Variants in ZBTB20 observed in about 807,000 individuals in gnomAD.
ZBTB20 encodes the protein zinc finger and BTB domain containing 20, also known as zinc finger and BTB domain-containing protein 20.
A neutral mutation model predicts 56.9 loss-of-function variants in ZBTB20; 9 were observed. That is an observed-to-expected ratio of 0.16 (90% CI 0.10 to 0.28). The LOEUF is 0.28. Ranked by LOEUF, ZBTB20 falls within the 10% of genes least tolerant of loss-of-function variation. The pLI is 1.00. For missense variants in ZBTB20, 655 were observed against 1,003.0 expected (o/e 0.65, Z 4.69); for synonymous variants, 417 against 420.7 (o/e 0.99, Z 0.11).
intron 5 of ZBTB20, among the ~76,000 whole-genome samples, chr3:114,723,195 T>C (rs1369761862): frequency 6.6e-6 from 1 of 152,092 alleles, no homozygotes; most frequent in African/African-American, 2.4e-5. Flanking sequence ...TAGATTCAAA[T>C]ATGCTGCCAT....
At chr3:114,348,034 C>T (rs1244112006) in intron 11 of ZBTB20, among the ~76,000 whole-genome samples, 1 of 152,174 alleles carries the variant, frequency 6.6e-6, no homozygotes, top group Non-Finnish European at 1.5e-5. Flanking sequence ...ACCACAGAAT[C>T]CTTCAGTGAA....
rs150295183 is a variant in ZBTB20, at chr3:114,707,694, T to G, written c.-342-14119A>C. Among the ~76,000 whole-genome samples the G allele has an allele frequency of 9.7e-4, 147 of 152,250 alleles. 1 individual carries two copies. Among genetic ancestry groups the G allele is most frequent in the African/African-American group, 3.2e-3 (134 of 41,560 alleles). ...TTTTTTTCCTCCCCACAATCCATCT[T>G]CTATTTGCAGTCTACAACTTATCCC... On this transcript the variant is annotated intron_variant, in intron 5 of 11. Transcript: ENST00000675478.
intron 6 of ZBTB20, among the ~76,000 whole-genome samples, chr3:114,653,438 TTAAAC>T (rs1247149441): frequency 1.3e-5 from 2 of 152,008 alleles, no homozygotes; most frequent in Non-Finnish European, 2.9e-5. Flanking sequence ...TTTTCAAACG[TTAAAC>T]TAAAGTTGCT....
intron 5 of ZBTB20, among the ~76,000 whole-genome samples, chr3:114,761,560 C>A (rs756404828): frequency 2.0e-5 from 3 of 152,056 alleles, no homozygotes; most frequent in South Asian, 2.1e-4. Flanking sequence ...TAAGTCCGGG[C>A]ACGGTGGCTC....
chr3:114,866,066 C>T (rs999606313), intron 4 of ZBTB20, among the ~76,000 whole-genome samples: 2 of 152,090 alleles, frequency 1.3e-5, no homozygotes, highest in African/African-American at 2.4e-5. Context: ...AGTTCAAATC[C>T]CAATTTCACC....
intron 10 of ZBTB20, among the ~76,000 whole-genome samples, chr3:114,375,036 G>A (rs1217928757): frequency 1.3e-5 from 2 of 152,156 alleles, no homozygotes. Flanking sequence ...CCAAGTAAAA[G>A]CAAATCAGAG....
chr3:114,738,902 C>G (rs918429115), intron 5 of ZBTB20, among the ~76,000 whole-genome samples: 2 of 152,194 alleles, frequency 1.3e-5, no homozygotes, highest in African/African-American at 4.8e-5. Flanking sequence ...CTTTTCAGTA[C>G]TGTCCATAAC....
At chr3:114,630,857 ATAT>A (rs2058899950) in intron 6 of ZBTB20, among the ~76,000 whole-genome samples, 1 of 152,236 alleles carries the variant, frequency 6.6e-6, no homozygotes, top group African/African-American at 2.4e-5. Flanking sequence ...ACTGGCACAG[ATAT>A]TATTATTTGC....
chr3:114,882,236 T>C (rs1380592186), intron 4 of ZBTB20, among the ~76,000 whole-genome samples: 1 of 151,938 alleles, frequency 6.6e-6, no homozygotes, highest in Admixed American at 6.5e-5. Flanking sequence ...AGTAAAGAAA[T>C]GTAAATCAAA....
chr3:114,347,474 G>A (rs991556190), intron 11 of ZBTB20, among the ~76,000 whole-genome samples: 2 of 151,952 alleles, frequency 1.3e-5, no homozygotes, highest in African/African-American at 2.4e-5. Context: ...ACTAACATTT[G>A]GACTTTTTGC....
At chr3:114,615,612 C>T (rs368202108) in intron 6 of ZBTB20, among the ~76,000 whole-genome samples, 1 of 152,168 alleles carries the variant, frequency 6.6e-6, no homozygotes, top group African/African-American at 2.4e-5. Context: ...GGAGTTCTGG[C>T]CCCTTTTATC....
At chr3:114,384,289 C>T (rs145739050) in intron 8 of ZBTB20, among the ~76,000 whole-genome samples, 20 of 151,480 alleles carry the variant, frequency 1.3e-4, no homozygotes, top group Non-Finnish European at 2.4e-4. Context: ...AAGAAAGAAA[C>T]CAGGGAAAAA....
At chr3:114,669,274 A>T (rs776860399) in intron 6 of ZBTB20, among the ~76,000 whole-genome samples, 10 of 152,086 alleles carry the variant, frequency 6.6e-5, no homozygotes, top group Admixed American at 3.9e-4. Context: ...ACCCTGTGCT[A>T]AACTAACATC....
At position 114,437,091 on chromosome 3, in the gene ZBTB20, C is replaced by T. The variant is rs543660268; in HGVS notation, c.-254-47986G>A. Among the ~76,000 whole-genome samples the T allele has an allele frequency of 1.2e-4, 19 of 152,156 alleles. No homozygotes were observed. The South Asian group carries it at 3.9e-3, about 32-fold the overall frequency. On this transcript the variant is annotated intron_variant, in intron 7 of 11. Coordinates refer to ENST00000675478, the MANE Select transcript of ZBTB20 (RefSeq NM_001348800.3). ...GCTGGAGGGAGGGATAGGGATAATT[C>T]TGGAACAGGGGAAGGTGAAGGAAGC...
At chr3:114,676,747 C>CCATTCTT (rs1405987735) in intron 6 of ZBTB20, among the ~76,000 whole-genome samples, 1 of 151,488 alleles carries the variant, frequency 6.6e-6, no homozygotes, top group Admixed American at 6.6e-5. Context: ...ATCTCATTCT[C>CCATTCTT]CCTCTAAGCC....
chr3:114,486,551 A>T (rs2042171668), intron 7 of ZBTB20, among the ~76,000 whole-genome samples: 1 of 152,192 alleles, frequency 6.6e-6, no homozygotes, highest in Admixed American at 6.5e-5. Flanking sequence ...GTGGTGATGG[A>T]TAAAAGCATA....
intron 4 of ZBTB20, among the ~76,000 whole-genome samples, chr3:114,888,766 T>C (rs1239824624): frequency 6.6e-6 from 1 of 152,174 alleles, no homozygotes; most frequent in Non-Finnish European, 1.5e-5. Context: ...TGTCTCCTGA[T>C]ATACAAAATT....
intron 1 of ZBTB20, among the ~76,000 whole-genome samples, chr3:115,144,470 C>G (rs928611667): frequency 6.6e-6 from 1 of 152,104 alleles, no homozygotes; most frequent in African/African-American, 2.4e-5. Context: ...TTCTTATTAA[C>G]AGGACAACAA....
chr3:114,761,444 T>C (rs1002969874), intron 5 of ZBTB20, among the ~76,000 whole-genome samples: 5 of 152,142 alleles, frequency 3.3e-5, no homozygotes, highest in African/African-American at 9.6e-5. Flanking sequence ...TGTGAATTCA[T>C]TCTACACAAT....
Sources: gnomAD v4.1 joint callset for allele counts (sites outside exome capture counted in the v4.1 genomes callset) on GRCh38, gnomAD v4.1.1 for gene constraint, MANE v1.5 for transcripts, NCBI Gene and HGNC (gene_info 2026-07-23, HGNC 2026-07-21) for gene names.